MESD: variants seen among roughly 807,000 people sequenced by gnomAD.
The protein encoded by MESD is mesoderm development LRP chaperone, also known as LRP chaperone MESD.
Under a neutral mutation model 12.9 loss-of-function variants are expected in MESD, and 7 were observed. The observed-to-expected ratio is 0.54, with a 90% confidence interval of 0.31 to 1.02. The LOEUF (loss-of-function observed/expected upper bound fraction) is 1.02. Ranked by LOEUF, MESD falls within the 50% of genes least tolerant of loss-of-function variation. The pLI is 0.05. For synonymous variants in MESD, 126 were observed against 115.6 expected (o/e 1.09, Z -0.58); for missense variants, 342 against 296.7 (o/e 1.15, Z -1.12).
intron 3 of MESD, among the ~76,000 whole-genome samples, chr15:80,956,127 C>T (rs1405979652): frequency 6.6e-6 from 1 of 151,936 alleles, no homozygotes; most frequent in East Asian, 1.9e-4. Context: ...AAGGTAGAGT[C>T]TGTGGTGAGC....
At chr15:80,952,928 T>C in intron 3 of MESD, 1 of 455,526 alleles carries the variant, frequency 2.2e-6, no homozygotes, top group South Asian at 1.6e-5. Flanking sequence ...ATGGAGAACA[T>C]GAAATTACCT....
exon 5 of MESD, chr15:80,947,360 T>A: frequency 2.5e-6 from 1 of 400,788 alleles, no homozygotes; most frequent in South Asian, 2.5e-5. Flanking sequence ...TCAACAAAAG[T>A]ATCATAAGAA....
Position 80,980,820 on chromosome 15 carries a change from CTT to C in MESD, c.446+1128_446+1129del, listed in dbSNP as rs67729328. ...ACTGCTTTTACCAACAATAAATGCC[CTT>C]TTTTTTTTTTTTTCTTCCCCGAGAT... On this transcript the variant is annotated intron_variant, in intron 2 of 2. Transcript: ENST00000261758. Among the ~76,000 whole-genome samples, 824 of 142,560 alleles carry C rather than the reference CTT, an allele frequency of 5.8e-3. 4 individuals are homozygous for C. Among genetic ancestry groups the C allele is most frequent in the African/African-American group, 9.9e-3 (386 of 39,002 alleles). The allele number at this position is 142,560 out of a possible 152,430, so 93.5% of individuals were successfully genotyped here. A position where few individuals can be genotyped will look rare whatever the true frequency, so the allele number is the denominator to read the frequency against.
downstream of MESD, among the ~76,000 whole-genome samples, chr15:80,973,192 G>A (rs1247153711): frequency 6.6e-6 from 1 of 152,148 alleles, no homozygotes; most frequent in Non-Finnish European, 1.5e-5. Flanking sequence ...GGATAGCTGG[G>A]ACGGTGTGAT....
intron 3 of MESD, among the ~76,000 whole-genome samples, chr15:80,961,247 A>G (rs1902081595): frequency 6.6e-6 from 1 of 151,690 alleles, no homozygotes; most frequent in Non-Finnish European, 1.5e-5. Context: ...TTTATATGAG[A>G]GGCTCTTACA....
chr15:80,988,215 C>T (rs541256482), intron 1 of MESD, among the ~76,000 whole-genome samples: 44 of 152,228 alleles, frequency 2.9e-4, no homozygotes, highest in Middle Eastern at 3.2e-3. Context: ...TATTTAACCT[C>T]TTTGTGTCTC....
intron 1 of MESD, among the ~76,000 whole-genome samples, chr15:80,986,556 A>G (rs1421406369): frequency 1.3e-5 from 2 of 152,208 alleles, no homozygotes; most frequent in African/African-American, 4.8e-5. Flanking sequence ...TTAAAATTGA[A>G]GTGTAAAAAT....
At chr15:80,954,108 C>A (rs1901911984) in intron 3 of MESD, among the ~76,000 whole-genome samples, 1 of 152,172 alleles carries the variant, frequency 6.6e-6, no homozygotes, top group Non-Finnish European at 1.5e-5. Context: ...CTCGGCTTGG[C>A]CCACGCCTAC....
chr15:80,980,457 C>T (rs1902545471), intron 2 of MESD, among the ~76,000 whole-genome samples: 2 of 152,232 alleles, frequency 1.3e-5, no homozygotes, highest in Non-Finnish European at 2.9e-5. Context: ...ATGGTCCAAG[C>T]TCTATGTGTG....
chr15:80,973,280 G>A (rs930715625), downstream of MESD, among the ~76,000 whole-genome samples: 4 of 152,280 alleles, frequency 2.6e-5, 1 homozygote, highest in Middle Eastern at 6.8e-3. Context: ...AAGACTTCAA[G>A]GTGGGTGAAT....
intron 1 of MESD, among the ~76,000 whole-genome samples, chr15:80,987,983 A>T (rs1282624880): frequency 6.6e-6 from 1 of 152,212 alleles, no homozygotes; most frequent in African/African-American, 2.4e-5. Flanking sequence ...AAAAAACAAA[A>T]TCAACCATCA....
chr15:80,975,226 A>C (rs548375344), downstream of MESD, among the ~76,000 whole-genome samples: 23 of 145,932 alleles, frequency 1.6e-4, no homozygotes, highest in South Asian at 4.3e-4. Context: ...AAAAACAAAA[A>C]AAAAAAAACC....
chr15:80,952,809 A>G, intron 3 of MESD: 1 of 365,946 alleles, frequency 2.7e-6, no homozygotes, highest in South Asian at 2.0e-5. Flanking sequence ...TACCTTCAGG[A>G]AACTTTGCCA....
chr15:80,975,341 C>T (rs566574500), downstream of MESD, among the ~76,000 whole-genome samples: 5 of 151,958 alleles, frequency 3.3e-5, no homozygotes, highest in Admixed American at 6.6e-5. Flanking sequence ...GCTATGAACA[C>T]ACCACTGCAC....
intron 3 of MESD, among the ~76,000 whole-genome samples, chr15:80,966,810 C>T (rs560868889): frequency 6.6e-6 from 1 of 152,344 alleles, no homozygotes; most frequent in African/African-American, 2.4e-5. Flanking sequence ...TGCCTCTCTG[C>T]TCCACAACCT....
chr15:80,981,576 C>T (rs1222385178), intron 2 of MESD, among the ~76,000 whole-genome samples: 1 of 152,108 alleles, frequency 6.6e-6, no homozygotes, highest in Non-Finnish European at 1.5e-5. Flanking sequence ...CAGCACAGGG[C>T]CAGGTGTGGT....
At chr15:80,974,126 G>A (rs1902353163), downstream of MESD, among the ~76,000 whole-genome samples, 1 of 152,170 alleles carries the variant, frequency 6.6e-6, no homozygotes, top group South Asian at 2.1e-4. Flanking sequence ...GAGAGCAGAG[G>A]CTACCTGTCA....
At chr15:80,952,937 C>CCAATGAG (rs1901877533) in intron 3 of MESD, 1 of 455,574 alleles carries the variant, frequency 2.2e-6, no homozygotes. Context: ...ATGAAATTAC[C>CCAATGAG]TGCCCAATGA....
At chr15:80,963,179 C>T (rs1047792680) in intron 3 of MESD, among the ~76,000 whole-genome samples, 2 of 152,096 alleles carry the variant, frequency 1.3e-5, no homozygotes, top group African/African-American at 4.8e-5. Flanking sequence ...TACAAACTAC[C>T]ATCAGAGAAT....
Sources: allele counts gnomAD v4.1 joint callset (sites outside exome capture counted in the v4.1 genomes callset), GRCh38; gene constraint gnomAD v4.1.1; transcripts MANE v1.5; gene names NCBI Gene and HGNC (gene_info 2026-07-23, HGNC 2026-07-21).